Variants in CACNG3 observed in about 807,000 individuals in gnomAD.
CACNG3 encodes the protein calcium voltage-gated channel auxiliary subunit gamma 3.
Under a neutral mutation model 28.5 loss-of-function variants are expected in CACNG3, and 3 were observed. That is an observed-to-expected ratio of 0.11 (90% CI 0.05 to 0.27). CACNG3 has a LOEUF of 0.27. Among genes scored for constraint, CACNG3 ranks in the 10% least tolerant of loss-of-function variants. CACNG3 has a pLI of 1.00. For missense variants in CACNG3, 236 were observed against 414.4 expected (o/e 0.57, Z 3.74); for synonymous variants, 174 against 162.2 (o/e 1.07, Z -0.55).
intron 1 of CACNG3, among the ~76,000 whole-genome samples, chr16:24,304,586 TG>T (rs1899159324): frequency 6.6e-6 from 1 of 152,172 alleles, no homozygotes. Flanking sequence ...GGTTTTGTTT[TG>T]TTTTTATAGA....
At position 24,310,458 on chromosome 16, in the gene CACNG3, G is replaced by A. The variant is rs150831125; in HGVS notation, c.212-36276G>A. Among the ~76,000 whole-genome samples, 945 of 152,228 alleles carry A rather than the reference G, an allele frequency of 6.2e-3. 13 individuals carry two copies. Among genetic ancestry groups the A allele is most frequent in the African/African-American group, 0.021 (885 of 41,526 alleles). On this transcript the variant is annotated intron_variant, in intron 1 of 3. Coordinates refer to ENST00000005284, the MANE Select transcript of CACNG3 (RefSeq NM_006539.4). ...GCATGCCTGTAATCCCAGCTACTTG[G>A]GAGGCTGAGGCAGGAGAATCTCTTG... is the stretch of plus-strand genomic sequence containing the variant.
At chr16:24,334,913 G>A (rs1596646960) in intron 1 of CACNG3, among the ~76,000 whole-genome samples, 1 of 152,170 alleles carries the variant, frequency 6.6e-6, no homozygotes, top group African/African-American at 2.4e-5. Flanking sequence ...GTCTGGGTGA[G>A]GGCAGGATGA....
At chr16:24,358,229 A>G (rs758370412) in intron 3 of CACNG3, among the ~76,000 whole-genome samples, 2 of 152,276 alleles carry the variant, frequency 1.3e-5, no homozygotes, top group Non-Finnish European at 2.9e-5. Flanking sequence ...TACGTGTCAG[A>G]TACTATGCAG....
intron 1 of CACNG3, among the ~76,000 whole-genome samples, chr16:24,320,788 G>A (rs1899445285): frequency 6.6e-6 from 1 of 152,148 alleles, no homozygotes; most frequent in Non-Finnish European, 1.5e-5. Context: ...GGAACGCAGT[G>A]GCATGATCAC....
At chr16:24,325,120 A>G (rs1899523680) in intron 1 of CACNG3, among the ~76,000 whole-genome samples, 1 of 152,214 alleles carries the variant, frequency 6.6e-6, no homozygotes, top group African/African-American at 2.4e-5. Context: ...TTACTGAGTG[A>G]AATGAATGAA....
chr16:24,323,744 G>A (rs1461181623), intron 1 of CACNG3, among the ~76,000 whole-genome samples: 1 of 152,212 alleles, frequency 6.6e-6, no homozygotes, highest in Non-Finnish European at 1.5e-5. Context: ...AACTTACTTA[G>A]CACTCAGAAT....
At chr16:24,358,027 CA>C (rs1455178522) in intron 3 of CACNG3, among the ~76,000 whole-genome samples, 1 of 152,112 alleles carries the variant, frequency 6.6e-6, no homozygotes, top group East Asian at 1.9e-4. Flanking sequence ...CTGATCTCCC[CA>C]AAGAACCCGA....
chr16:24,317,386 T>A (rs1411523086), intron 1 of CACNG3, among the ~76,000 whole-genome samples: 1 of 151,068 alleles, frequency 6.6e-6, no homozygotes, highest in Non-Finnish European at 1.5e-5. Flanking sequence ...TACTAAAAAA[T>A]ACAAAATTAG....
intron 1 of CACNG3, among the ~76,000 whole-genome samples, chr16:24,302,658 T>C (rs1470550498): frequency 6.6e-6 from 1 of 151,794 alleles, no homozygotes; most frequent in Non-Finnish European, 1.5e-5. Flanking sequence ...TTGTTTTGTT[T>C]TGTTTTGTTT....
intron 1 of CACNG3, among the ~76,000 whole-genome samples, chr16:24,337,917 G>A (rs1372687304): frequency 2.0e-5 from 3 of 151,354 alleles, no homozygotes; most frequent in Non-Finnish European, 4.4e-5. Context: ...GCAACTGAAG[G>A]GACATGGAGA....
At chr16:24,303,453 G>T (rs1319929463) in intron 1 of CACNG3, among the ~76,000 whole-genome samples, 1 of 151,976 alleles carries the variant, frequency 6.6e-6, no homozygotes, top group Non-Finnish European at 1.5e-5. Context: ...GACTCCTAAA[G>T]TGCTGGGACT....
At chr16:24,311,422 T>G (rs1567215714) in intron 1 of CACNG3, among the ~76,000 whole-genome samples, 2 of 151,524 alleles carry the variant, frequency 1.3e-5, no homozygotes. Flanking sequence ...GGCAGGAGAA[T>G]CACTTGAACC....
At chr16:24,270,513 C>A (rs771535592) in intron 1 of CACNG3, among the ~76,000 whole-genome samples, 1 of 152,196 alleles carries the variant, frequency 6.6e-6, no homozygotes, top group African/African-American at 2.4e-5. Context: ...AGGTCTGCTG[C>A]GCAGCATAAT....
intron 1 of CACNG3, among the ~76,000 whole-genome samples, chr16:24,291,967 C>A (rs760881946): frequency 1.3e-5 from 2 of 151,684 alleles, no homozygotes; most frequent in African/African-American, 4.8e-5. Flanking sequence ...GGAGGCAGAA[C>A]GGAGCAACTT....
intron 1 of CACNG3, among the ~76,000 whole-genome samples, chr16:24,294,577 CA>C (rs1899005602): frequency 6.6e-6 from 1 of 152,136 alleles, no homozygotes; most frequent in Non-Finnish European, 1.5e-5. Context: ...CAGGAACAAA[CA>C]AAAGATAATT....
intron 1 of CACNG3, among the ~76,000 whole-genome samples, chr16:24,303,405 G>A (rs1391705707): frequency 2.0e-5 from 3 of 151,780 alleles, no homozygotes; most frequent in Non-Finnish European, 4.4e-5. Flanking sequence ...GCCTAGGCTG[G>A]TCTTGAACTC....
intron 1 of CACNG3, among the ~76,000 whole-genome samples, chr16:24,276,887 A>G (rs1291214829): frequency 6.6e-6 from 1 of 152,224 alleles, no homozygotes; most frequent in African/African-American, 2.4e-5. Context: ...GAGATTTTTG[A>G]CCAAGTTTTT....
chr16:24,317,578 G>GGA (rs1899373041), intron 1 of CACNG3, among the ~76,000 whole-genome samples: 1 of 53,740 alleles, frequency 1.9e-5, no homozygotes, highest in African/African-American at 9.3e-5. Context: ...AAGAAAGAAA[G>GGA]AAAGAAAGAA....
At chr16:24,297,551 GTGTT>G (rs1215939137) in intron 1 of CACNG3, among the ~76,000 whole-genome samples, 1 of 152,166 alleles carries the variant, frequency 6.6e-6, no homozygotes, top group Non-Finnish European at 1.5e-5. Flanking sequence ...CACTCACCAA[GTGTT>G]TGTTGAGAAC....
Sources: allele counts gnomAD v4.1 joint callset (sites outside exome capture counted in the v4.1 genomes callset), GRCh38; gene constraint gnomAD v4.1.1; transcripts MANE v1.5; gene names NCBI Gene and HGNC (gene_info 2026-07-23, HGNC 2026-07-21).